Variants in FAM178B observed in about 807,000 individuals in gnomAD.
FAM178B encodes the protein protein FAM178B.
A neutral mutation model predicts 91.7 loss-of-function variants in FAM178B; 82 were observed. That is an observed-to-expected ratio of 0.89 (90% CI 0.75 to 1.07). FAM178B has a LOEUF of 1.07. Among genes scored for constraint, FAM178B ranks in the 50% least tolerant of loss-of-function variants. FAM178B has a pLI of 0.00. For missense variants in FAM178B, 769 were observed against 846.7 expected (o/e 0.91, Z 1.14); for synonymous variants, 368 against 359.4 (o/e 1.02, Z -0.27).
chr2:96,942,646 C>T (rs913800876), intron 8 of FAM178B, among the ~76,000 whole-genome samples: 9 of 152,154 alleles, frequency 5.9e-5, no homozygotes, highest in East Asian at 3.9e-4. Context: ...CCGCCTGCCT[C>T]GGCCTCCCAA....
intron 5 of FAM178B, 120 bp from the exon 6 acceptor site, chr2:96,960,560 G>A (rs1338732697): frequency 1.3e-5 from 16 of 1,193,832 alleles, no homozygotes; most frequent in Middle Eastern, 4.3e-4. Flanking sequence ...CAGTCCTTGC[G>A]GCAAACCAAG....
intron 14 of FAM178B, among the ~76,000 whole-genome samples, chr2:96,882,370 T>C (rs906560377): frequency 6.6e-6 from 1 of 152,224 alleles, no homozygotes; most frequent in Non-Finnish European, 1.5e-5. Flanking sequence ...GGCGGCTCCC[T>C]GAGCTCCCTT....
At chr2:96,885,378 G>A (rs978358408) in intron 14 of FAM178B, among the ~76,000 whole-genome samples, 3 of 152,246 alleles carry the variant, frequency 2.0e-5, no homozygotes, top group Non-Finnish European at 4.4e-5. Flanking sequence ...AGTGAGTTCA[G>A]AGATCCGAGA....
chr2:96,916,457 C>G (rs569707554), intron 12 of FAM178B, among the ~76,000 whole-genome samples: 16 of 152,362 alleles, frequency 1.1e-4, no homozygotes, highest in Admixed American at 9.8e-4. Flanking sequence ...GCAGCGCACA[C>G]AGGATGTTTA....
intron 9 of FAM178B, among the ~76,000 whole-genome samples, chr2:96,927,168 G>A (rs2081455340): frequency 1.3e-5 from 2 of 152,166 alleles, no homozygotes; most frequent in South Asian, 4.1e-4. Flanking sequence ...CGAATACTCC[G>A]GAGGGGTCAC....
chr2:96,911,400 T>C (rs1304064751), intron 12 of FAM178B, among the ~76,000 whole-genome samples: 2 of 152,098 alleles, frequency 1.3e-5, no homozygotes, highest in East Asian at 3.9e-4. Flanking sequence ...TGGAGGCAAA[T>C]GATCATCTTG....
In FAM178B at chr2:96,893,874, C is replaced by A. The variant is rs2080742301; in HGVS notation, c.1776+52G>T. ...GGACAGCCCTGCCTTTCCCTGCTAC[C>A]TGTGGTGGTGGCACCGTGGTGGAGG... On this transcript the variant is annotated intron_variant, in intron 14 of 16. Transcript: ENST00000490605. 4.4e-6 allele frequency: 7 copies of A among 1,584,050 alleles called. No individual in the cohort carries two copies. In the East Asian group the frequency reaches 1.4e-4, roughly 31 times the overall value.
intron 6 of FAM178B, among the ~76,000 whole-genome samples, chr2:96,955,428 G>A (rs1477699576): frequency 1.3e-5 from 2 of 150,950 alleles, no homozygotes; most frequent in Admixed American, 6.6e-5. Flanking sequence ...GGAGAATGGC[G>A]TGAACCCAGG....
chr2:96,965,003 T>C (rs2082126350), intron 5 of FAM178B, among the ~76,000 whole-genome samples: 1 of 152,124 alleles, frequency 6.6e-6, no homozygotes, highest in Admixed American at 6.5e-5. Flanking sequence ...TTATTTATTA[T>C]TTACTTTTAT....
chr2:96,984,198 G>T (rs2082396741), intron 1 of FAM178B, among the ~76,000 whole-genome samples: 1 of 152,046 alleles, frequency 6.6e-6, no homozygotes, highest in Non-Finnish European at 1.5e-5. Flanking sequence ...CTGACCTTGT[G>T]ATCTGCCGCT....
chr2:96,889,593 G>A (rs2080615293), intron 14 of FAM178B, among the ~76,000 whole-genome samples: 2 of 151,712 alleles, frequency 1.3e-5, no homozygotes, highest in African/African-American at 4.9e-5. Flanking sequence ...CAGGAGAATC[G>A]CTTGAACCTG....
At chr2:96,917,381 T>G (rs1466895985) in intron 12 of FAM178B, among the ~76,000 whole-genome samples, 1 of 152,220 alleles carries the variant, frequency 6.6e-6, no homozygotes, top group Non-Finnish European at 1.5e-5. Context: ...GATGCTCTGT[T>G]TCATTCATTT....
At chr2:96,967,728 A>G in intron 4 of FAM178B, 101 bp from the exon 5 acceptor site, 1 of 789,320 alleles carries the variant, frequency 1.3e-6, no homozygotes. Context: ...GCAAGACCAG[A>G]GGGCTGCGCC....
At position 96,929,298 on chromosome 2, in the gene FAM178B, G is replaced by A. The variant is rs573203682; in HGVS notation, c.1101C>T (p.Cys367=). ...LQPDEDKHLW[C]PSLQEVREAF... Reference sequence around the variant, plus strand: ...CCTCCCTGACTTCTTGCAGTGAGGGGCACCACAGGTGCTTGTCTTCATCTG... The same window carrying A: ...CCTCCCTGACTTCTTGCAGTGAGGGACACCACAGGTGCTTGTCTTCATCTG... The change falls in exon 9 of 17, where the codon TGC becomes TGT. Residue 367 remains cysteine (C), a synonymous_variant. Transcript: ENST00000490605. The A allele has an allele frequency of 8.9e-4, 1,375 of 1,551,312 alleles. 17 individuals carry two copies. In the South Asian group the frequency reaches 0.015, roughly 17 times the overall value.
In FAM178B at chr2:96,967,524, G is replaced by A; in HGVS notation, c.730C>T (p.His244Tyr). The change falls in exon 5 of 17, where the codon CAC (histidine) becomes TAC (tyrosine). Residue 244 changes from histidine (H) to tyrosine (Y), a missense_variant. Transcript: ENST00000490605. ...TGCCAGGCCCCTGCCCCTCACCTGT[G>A]CTCGGGTGTGAGTGGCACTTCCTCT... ...DEEEVPLTPE[H>Y]RMLVEKYSVS... The A allele has an allele frequency of 1.3e-6, 2 of 1,544,770 alleles. No individual in the cohort carries two copies. The highest frequency in any genetic ancestry group is 8.8e-7 in the Non-Finnish European group (1 of 1,142,408).
chr2:96,956,550 C>T (rs1245133973), intron 6 of FAM178B, among the ~76,000 whole-genome samples: 1 of 152,212 alleles, frequency 6.6e-6, no homozygotes, highest in Non-Finnish European at 1.5e-5. Context: ...CCCCCTTTCA[C>T]AGAAAGGTAA....
At chr2:96,933,392 T>G (rs746279893) in intron 8 of FAM178B, among the ~76,000 whole-genome samples, 3 of 152,012 alleles carry the variant, frequency 2.0e-5, no homozygotes, top group African/African-American at 4.8e-5. Flanking sequence ...GGGGGGAAGA[T>G]AGAGGAAGAA....
chr2:96,921,365 A>AG, intron 11 of FAM178B, 103 bp from the exon 12 acceptor site: 1 of 1,505,572 alleles, frequency 6.6e-7, no homozygotes. Context: ...CACGGAGATC[A>AG]GGGACATTCC....
At chr2:96,914,845 G>C (rs2081215316) in intron 12 of FAM178B, among the ~76,000 whole-genome samples, 2 of 152,158 alleles carry the variant, frequency 1.3e-5, no homozygotes, top group African/African-American at 4.8e-5. Flanking sequence ...AGCCTGGATG[G>C]CACCACTGCA....
Sources: gnomAD v4.1 joint callset for allele counts (sites outside exome capture counted in the v4.1 genomes callset) on GRCh38, gnomAD v4.1.1 for gene constraint, MANE v1.5 for transcripts, NCBI Gene and HGNC (gene_info 2026-07-23, HGNC 2026-07-21) for gene names.